ARHGAP19: variants seen among roughly 807,000 people sequenced by gnomAD.
The protein encoded by ARHGAP19 is Rho GTPase activating protein 19.
Under a neutral mutation model 60.9 loss-of-function variants are expected in ARHGAP19, and 48 were observed. The ratio of observed to expected loss-of-function variants is 0.79; its 90% CI spans 0.62 to 1.00. ARHGAP19 has a LOEUF of 1.00. ARHGAP19 is among the 50% of genes least tolerant of loss of function. ARHGAP19 has a pLI of 0.00. For synonymous variants in ARHGAP19, 209 were observed against 215.5 expected (o/e 0.97, Z 0.27); for missense variants, 562 against 597.2 (o/e 0.94, Z 0.61).
chr10:97,257,110 G>C (rs985142754), intron 5 of ARHGAP19, among the ~76,000 whole-genome samples: 4 of 152,012 alleles, frequency 2.6e-5, no homozygotes, highest in Non-Finnish European at 5.9e-5. Flanking sequence ...GACAAAGCAA[G>C]ACTCTGTCTC....
intron 4 of ARHGAP19, among the ~76,000 whole-genome samples, chr10:97,261,494 C>T (rs1842829216): frequency 6.6e-6 from 1 of 152,118 alleles, no homozygotes; most frequent in Non-Finnish European, 1.5e-5. Flanking sequence ...AAGCATCCTT[C>T]ATGTTAACAC....
At chr10:97,286,047 C>T (rs1261641610) in intron 1 of ARHGAP19, among the ~76,000 whole-genome samples, 4 of 152,160 alleles carry the variant, frequency 2.6e-5, no homozygotes, top group Non-Finnish European at 5.9e-5. Context: ...TATGATCAAA[C>T]TCTCTAAACC....
chr10:97,251,039 G>A (rs1162676116), intron 6 of ARHGAP19, among the ~76,000 whole-genome samples: 1 of 150,458 alleles, frequency 6.6e-6, no homozygotes, highest in Admixed American at 6.7e-5. Context: ...CCAGCCTGGG[G>A]GGCAGAGTGA....
At chr10:97,276,007 G>A (rs1589378610) in intron 1 of ARHGAP19, among the ~76,000 whole-genome samples, 1 of 2,084 alleles carries the variant, frequency 4.8e-4, no homozygotes, top group Non-Finnish European at 2.0e-3. Flanking sequence ...CCGGCCAGCC[G>A]CCCCGTCCGG....
At chr10:97,264,253 A>G (rs1842868363) in intron 3 of ARHGAP19, among the ~76,000 whole-genome samples, 1 of 152,172 alleles carries the variant, frequency 6.6e-6, no homozygotes, top group African/African-American at 2.4e-5. Flanking sequence ...GTAGTTCAAG[A>G]CAAGCCTAGG....
At chr10:97,259,323 A>G in intron 5 of ARHGAP19, 79 bp downstream of exon 5, 1 of 1,141,158 alleles carries the variant, frequency 8.8e-7, no homozygotes, top group Non-Finnish European at 1.3e-6. Flanking sequence ...ACCCTTGATA[A>G]TCTCACCAAT....
intron 1 of ARHGAP19, among the ~76,000 whole-genome samples, chr10:97,288,808 CCTTT>C (rs1283099449): frequency 4.2e-5 from 6 of 141,534 alleles, no homozygotes; most frequent in Non-Finnish European, 9.1e-5. Flanking sequence ...AAACTTCTCT[CCTTT>C]TTTTTTTTTT....
intron 1 of ARHGAP19, among the ~76,000 whole-genome samples, chr10:97,273,528 G>A (rs192262771): frequency 3.9e-4 from 46 of 119,126 alleles, no homozygotes; most frequent in Non-Finnish European, 4.0e-4. Flanking sequence ...TCTCTCTGTC[G>A]CCCAGGCTGG....
rs368568941 is a variant in ARHGAP19, at chr10:97,246,309, C to G, written c.956G>C (p.Arg319Thr). 1.2e-6 allele frequency: 2 copies of G among 1,613,914 alleles called. No individual in the cohort carries two copies. The highest frequency in any genetic ancestry group is 1.7e-5 in the Admixed American group (1 of 60,004). Residue 319 changes from arginine (R) to threonine (T), a missense_variant, in exon 7 of 12, where the codon AGA (arginine) becomes ACA (threonine). Transcript: ENST00000358531. ...AGTTCTGGATCCCAAATAGTGCAAT[C>G]TCGCACACTCCCGAATGTAAGCAGG... ...KAPAYIRECA[R>T]LHYLGSRTQA...
At chr10:97,278,777 G>C (rs1468757442) in intron 1 of ARHGAP19, among the ~76,000 whole-genome samples, 3 of 149,008 alleles carry the variant, frequency 2.0e-5, no homozygotes, top group African/African-American at 4.9e-5. Context: ...TCTGAGGCAT[G>C]TTGAAGCCAT....
chr10:97,259,437 G>A lies in ARHGAP19; in HGVS notation c.805C>T (p.Leu269Phe). The A allele has an allele frequency of 1.2e-6, 2 of 1,614,142 alleles. No homozygotes were observed. The highest frequency in any genetic ancestry group is 1.7e-6 in the Non-Finnish European group (2 of 1,180,016). Residue 269 changes from leucine (L) to phenylalanine (F), a missense_variant, in exon 5 of 12, where the codon CTT becomes TTT. By Grantham distance (22) the Leu-to-Phe change is conservative. Coordinates refer to ENST00000358531, the MANE Select transcript of ARHGAP19 (RefSeq NM_032900.6). The stretch of plus-strand genomic sequence containing the variant: ...CACAGGACATGGGGTGCAAACATAA[G>A]GGCAAGGTTATAGGCTGACATCTTG... ...KNKMSAYNLA[L>F]MFAPHVLWPK...
At chr10:97,271,872 T>C (rs1476490663) in intron 1 of ARHGAP19, among the ~76,000 whole-genome samples, 1 of 151,916 alleles carries the variant, frequency 6.6e-6, no homozygotes, top group African/African-American at 2.4e-5. Flanking sequence ...TTTGTGCCTC[T>C]ATTGATGATC....
intron 1 of ARHGAP19, among the ~76,000 whole-genome samples, chr10:97,281,933 T>C (rs1160855458): frequency 6.6e-6 from 1 of 152,178 alleles, no homozygotes; most frequent in Non-Finnish European, 1.5e-5. Flanking sequence ...CGCCACACAT[T>C]AGTGGCCAGC....
At chr10:97,273,317 C>T (rs1464553599) in intron 1 of ARHGAP19, among the ~76,000 whole-genome samples, 1 of 151,956 alleles carries the variant, frequency 6.6e-6, no homozygotes, top group African/African-American at 2.4e-5. Flanking sequence ...CACACACCAC[C>T]ACACCCAGCT....
At chr10:97,230,615 C>T (rs1393869946) in intron 9 of ARHGAP19, among the ~76,000 whole-genome samples, 1 of 151,824 alleles carries the variant, frequency 6.6e-6, no homozygotes, top group East Asian at 1.9e-4. Flanking sequence ...AACATTAAAC[C>T]CTGCATTATA....
At position 97,223,780 on chromosome 10, in the gene ARHGAP19, T is replaced by G. The variant is rs1442123597; in HGVS notation, c.*2342A>C. ...GATAAAAGGGGTTTTCTCTGTGTTT[T>G]CCGTAAGATTCCACTGGATTAGAAT... is the stretch of plus-strand genomic sequence containing the variant. On this transcript the variant is annotated 3_prime_UTR_variant, in exon 12 of 12. Coordinates refer to ENST00000358531, the MANE Select transcript of ARHGAP19 (RefSeq NM_032900.6). 1 of 152,308 alleles carries G rather than the reference T, an allele frequency of 6.6e-6. No homozygotes were observed. Among genetic ancestry groups the G allele is most frequent in the South Asian group, 2.1e-4 (1 of 4,810 alleles). The allele number at this position is 152,308 out of a possible 1,614,324, so 9.4% of individuals were successfully genotyped here.
rs1192083228 is a variant in ARHGAP19, at chr10:97,238,368, C to T, written c.1186-3053G>A. Reference sequence around the variant, plus strand: ...CTGTGTAGCTAGGACTACAGGCACACACTAACGAGACCAGTTAATTTTTTT... The same window carrying T: ...CTGTGTAGCTAGGACTACAGGCACATACTAACGAGACCAGTTAATTTTTTT... On this transcript the variant is annotated intron_variant, in intron 8 of 11. Transcript: ENST00000358531. Among the ~76,000 whole-genome samples the T allele has an allele frequency of 2.0e-5, 3 of 152,068 alleles. No individual in the cohort carries two copies. In the East Asian group the frequency reaches 5.8e-4, roughly 29 times the overall value.
chr10:97,239,548 GAGGGTGTGTGTGTGTGTGTGT>G (rs1842439179), intron 8 of ARHGAP19, among the ~76,000 whole-genome samples: 2 of 110,228 alleles, frequency 1.8e-5, no homozygotes, highest in Admixed American at 8.9e-5. Flanking sequence ...GAGAGAGAGA[GAGGGTGTGTGTGTGTGTGTGT>G]GTGTGTGTGT....
chr10:97,272,387 G>A (rs779630352), intron 1 of ARHGAP19, among the ~76,000 whole-genome samples: 12 of 151,784 alleles, frequency 7.9e-5, no homozygotes, highest in Non-Finnish European at 1.2e-4. Flanking sequence ...TGCCCGCCTT[G>A]GTATCCCACA....
Sources: allele counts gnomAD v4.1 joint callset (sites outside exome capture counted in the v4.1 genomes callset), GRCh38; gene constraint gnomAD v4.1.1; transcripts MANE v1.5; gene names NCBI Gene and HGNC (gene_info 2026-07-23, HGNC 2026-07-21).